NR3C2: variants seen among roughly 807,000 people sequenced by gnomAD.
NR3C2 encodes mineralocorticoid receptor.
Under a neutral mutation model 86.4 loss-of-function variants are expected in NR3C2, and 15 were observed. The ratio of observed to expected loss-of-function variants is 0.17; its 90% CI spans 0.12 to 0.27. NR3C2 has a LOEUF of 0.27. NR3C2 is among the 10% of genes least tolerant of loss of function. NR3C2 has a pLI of 1.00. For synonymous variants in NR3C2, 458 were observed against 450.5 expected (o/e 1.02, Z -0.21); for missense variants, 960 against 1,195.6 (o/e 0.80, Z 2.91).
intron 3 of NR3C2, chr4:148,201,114 A>T (rs993161191): frequency 6.6e-5 from 10 of 152,210 alleles, no homozygotes; most frequent in African/African-American, 2.4e-4. Flanking sequence ...GGGCCTCTTC[A>T]GAAGTTTCTC....
In NR3C2 at chr4:148,436,288, G is replaced by A. The variant is rs746514598; in HGVS notation, c.573C>T (p.Ser191=). Residue 191 remains serine (S), a synonymous_variant, in exon 2 of 9, where the codon AGC becomes AGT. Transcript: ENST00000358102. ...VKSPIMCHEK[S]PSVCSPLNMT... ...TGTTCAGAGGGCTGCAAACAGACGG[G>A]CTTTTCTCATGACACATGATAGGGC... 9.3e-6 allele frequency: 15 copies of A among 1,614,166 alleles called. No homozygotes were observed. In the South Asian group the frequency reaches 1.4e-4, roughly 15 times the overall value.
At chr4:148,244,465 G>A (rs908008915) in intron 3 of NR3C2, among the ~76,000 whole-genome samples, 1 of 152,160 alleles carries the variant, frequency 6.6e-6, no homozygotes, top group Admixed American at 6.5e-5. Flanking sequence ...TCAGGCTTGA[G>A]TGTAAGTTTT....
intron 2 of NR3C2, among the ~76,000 whole-genome samples, chr4:148,297,646 T>C (rs1742117560): frequency 1.3e-5 from 2 of 152,140 alleles, no homozygotes; most frequent in Non-Finnish European, 2.9e-5. Context: ...CATTATGTTT[T>C]CTTCATTTTT....
At chr4:148,297,964 A>T (rs1197812395) in intron 2 of NR3C2, among the ~76,000 whole-genome samples, 1 of 152,018 alleles carries the variant, frequency 6.6e-6, no homozygotes, top group Non-Finnish European at 1.5e-5. Flanking sequence ...AATGTTAAGT[A>T]AAAGGAACTC....
intron 2 of NR3C2, among the ~76,000 whole-genome samples, chr4:148,353,866 A>C (rs895307370): frequency 6.6e-6 from 1 of 152,128 alleles, no homozygotes; most frequent in African/African-American, 2.4e-5. Context: ...ATAAATAAGA[A>C]ACCATTCCTA....
At chr4:148,217,812 TGA>T (rs1737619851) in intron 3 of NR3C2, among the ~76,000 whole-genome samples, 1 of 152,210 alleles carries the variant, frequency 6.6e-6, no homozygotes, top group African/African-American at 2.4e-5. Flanking sequence ...AGCTATAAAC[TGA>T]GAAGACAAGG....
intron 2 of NR3C2, among the ~76,000 whole-genome samples, chr4:148,348,178 T>C (rs1579189553): frequency 6.6e-6 from 1 of 152,222 alleles, no homozygotes; most frequent in East Asian, 1.9e-4. Context: ...AGCAGCCCGG[T>C]CTCAAGTCAC....
chr4:148,251,713 T>A (rs559400787), intron 3 of NR3C2, among the ~76,000 whole-genome samples: 6 of 152,328 alleles, frequency 3.9e-5, no homozygotes, highest in African/African-American at 1.2e-4. Context: ...TACTTCAGGA[T>A]AGTAATGGTA....
At chr4:148,272,706 G>A (rs1381624018) in intron 2 of NR3C2, among the ~76,000 whole-genome samples, 7 of 151,970 alleles carry the variant, frequency 4.6e-5, no homozygotes, top group Admixed American at 6.6e-5. Context: ...AAGCAATTAC[G>A]GATGTTTTTT....
Position 148,080,431 on chromosome 4 carries a change from C to T in NR3C2, c.*913G>A, listed in dbSNP as rs1239476619. 1 of 152,970 alleles carries T rather than the reference C, an allele frequency of 6.5e-6. No homozygotes were observed. The highest frequency in any genetic ancestry group is 6.5e-5 in the Admixed American group (1 of 15,322). The allele number at this position is 152,970 out of a possible 1,614,324, so 9.5% of individuals were successfully genotyped here. ...AATACACTGTAAACGGTTCATTATG[C>T]ATGCAGGACATTGCACTTTACAAAA... On this transcript the variant is annotated 3_prime_UTR_variant, in exon 9 of 9. Transcript: ENST00000358102.
chr4:148,260,210 T>C, intron 2 of NR3C2, 93 bp from the exon 3 acceptor site: 1 of 1,509,260 alleles, frequency 6.6e-7, no homozygotes, highest in Admixed American at 1.8e-5. Flanking sequence ...ATAATCATGG[T>C]TCGATACAAG....
At chr4:148,269,643 A>AC (rs942015519) in intron 2 of NR3C2, among the ~76,000 whole-genome samples, 15 of 150,728 alleles carry the variant, frequency 1.0e-4, no homozygotes, top group Middle Eastern at 6.8e-3. Context: ...ACAACAAAAA[A>AC]CCCCCCCAAA....
At chr4:148,235,262 T>TTATATATATATATATA (rs370271975) in intron 3 of NR3C2, among the ~76,000 whole-genome samples, 1,848 of 143,578 alleles carry the variant, frequency 0.013, 31 homozygotes, top group Admixed American at 0.024. Flanking sequence ...TAAGTGGCAA[T>TTATATATATATATATA]TATATATATA....
intron 2 of NR3C2, among the ~76,000 whole-genome samples, chr4:148,261,476 T>C (rs1462616888): frequency 6.6e-6 from 1 of 152,214 alleles, no homozygotes; most frequent in Non-Finnish European, 1.5e-5. Context: ...GTAAGCACTA[T>C]GGTGCAGGGT....
intron 2 of NR3C2, among the ~76,000 whole-genome samples, chr4:148,325,454 C>A (rs146362408): frequency 2.0e-5 from 3 of 152,208 alleles, no homozygotes; most frequent in African/African-American, 7.2e-5. Context: ...GCCTCAACAT[C>A]TAGGTAAGTT....
intron 2 of NR3C2, among the ~76,000 whole-genome samples, chr4:148,263,180 C>T (rs183610222): frequency 6.6e-6 from 1 of 152,348 alleles, no homozygotes; most frequent in Admixed American, 6.5e-5. Flanking sequence ...CAAATCCTTA[C>T]AGCCAGCTCC....
chr4:148,359,032 CCAGG>C (rs1745709447), intron 2 of NR3C2, among the ~76,000 whole-genome samples: 1 of 152,130 alleles, frequency 6.6e-6, no homozygotes, highest in East Asian at 1.9e-4. Context: ...AGATCATTTA[CCAGG>C]AGAGAGCTGT....
chr4:148,325,260 C>T (rs1049605622), intron 2 of NR3C2, among the ~76,000 whole-genome samples: 20 of 152,196 alleles, frequency 1.3e-4, no homozygotes, highest in African/African-American at 4.6e-4. Context: ...TTGAGCAAGA[C>T]ATCTTTGGCC....
chr4:148,140,097 G>A (rs1171595637), intron 6 of NR3C2, among the ~76,000 whole-genome samples: 1 of 152,166 alleles, frequency 6.6e-6, no homozygotes, highest in Admixed American at 6.5e-5. Flanking sequence ...GGGGGAGTCT[G>A]GAGCCTTCCT....
Sources: allele counts gnomAD v4.1 joint callset (sites outside exome capture counted in the v4.1 genomes callset), GRCh38; gene constraint gnomAD v4.1.1; transcripts MANE v1.5; gene names NCBI Gene and HGNC (gene_info 2026-07-23, HGNC 2026-07-21).